GPM6A: variants seen among roughly 807,000 people sequenced by gnomAD.
GPM6A encodes the protein neuronal membrane glycoprotein M6-a.
In GPM6A, 7 loss-of-function variants were observed where a neutral mutation model predicts 32.1. That is an observed-to-expected ratio of 0.22 (90% CI 0.12 to 0.41). The LOEUF is 0.41. GPM6A is among the 10% of genes least tolerant of loss of function. The pLI is 1.00. For synonymous variants in GPM6A, 130 were observed against 123.4 expected (o/e 1.05, Z -0.35); for missense variants, 235 against 347.2 (o/e 0.68, Z 2.57).
chr4:175,676,062 T>G (rs1451709191), intron 2 of GPM6A, among the ~76,000 whole-genome samples: 1 of 152,128 alleles, frequency 6.6e-6, no homozygotes, highest in Non-Finnish European at 1.5e-5. Flanking sequence ...TCGTGAGATC[T>G]GATGGTTTTC....
At chr4:175,650,273 TATTTATTTATTTATTTATTTA>T in intron 4 of GPM6A, among the ~76,000 whole-genome samples, 1 of 4,932 alleles carries the variant, frequency 2.0e-4, no homozygotes, top group African/African-American at 2.2e-4. Flanking sequence ...TTCATTATTT[TATTTATTTATTTATTTATTTA>T]TTTATTTATT....
At chr4:175,970,989 G>C in intron 1 of GPM6A, 1 of 422,910 alleles carries the variant, frequency 2.4e-6, no homozygotes, top group South Asian at 1.7e-5. Flanking sequence ...AGCGCTCCTG[G>C]GGAATTCAGT....
chr4:175,824,979 G>A (rs1735388482), intron 1 of GPM6A, among the ~76,000 whole-genome samples: 1 of 152,154 alleles, frequency 6.6e-6, no homozygotes, highest in South Asian at 2.1e-4. Context: ...CTGCAAAAGT[G>A]ATGTAAATAT....
At chr4:175,704,132 T>C (rs1322449770) in intron 1 of GPM6A, among the ~76,000 whole-genome samples, 1 of 152,194 alleles carries the variant, frequency 6.6e-6, no homozygotes, top group East Asian at 1.9e-4. Context: ...TATTGAGAGA[T>C]TGAGCTAGTC....
chr4:175,913,041 C>T (rs1738371880), intron 1 of GPM6A, among the ~76,000 whole-genome samples: 1 of 152,196 alleles, frequency 6.6e-6, no homozygotes, highest in Non-Finnish European at 1.5e-5. Context: ...AAACAAACTC[C>T]TAGCATTTTC....
intron 1 of GPM6A, among the ~76,000 whole-genome samples, chr4:175,796,610 T>C (rs968245241): frequency 2.6e-5 from 4 of 152,200 alleles, no homozygotes; most frequent in African/African-American, 9.7e-5. Context: ...ATTATAAGTA[T>C]GTAAAAGCTA....
At chr4:175,987,080 A>G (rs1188709438) in intron 1 of GPM6A, among the ~76,000 whole-genome samples, 2 of 152,204 alleles carry the variant, frequency 1.3e-5, no homozygotes, top group Non-Finnish European at 2.9e-5. Context: ...TACACCATAT[A>G]AAGTTCCACC....
At chr4:175,749,460 G>A (rs1055217525) in intron 1 of GPM6A, among the ~76,000 whole-genome samples, 1 of 152,046 alleles carries the variant, frequency 6.6e-6, no homozygotes, top group Non-Finnish European at 1.5e-5. Context: ...GTCTGCAAAG[G>A]CTATTAAGTT....
chr4:175,920,337 C>T (rs1560994277), intron 1 of GPM6A, among the ~76,000 whole-genome samples: 1 of 152,126 alleles, frequency 6.6e-6, no homozygotes, highest in Non-Finnish European at 1.5e-5. Flanking sequence ...ATTCTCTTAC[C>T]AGTATAAAAG....
chr4:175,717,190 C>T (rs2111106354), intron 1 of GPM6A, among the ~76,000 whole-genome samples: 1 of 152,280 alleles, frequency 6.6e-6, no homozygotes, highest in Non-Finnish European at 1.5e-5. Flanking sequence ...GCAAACCAGC[C>T]TTTACGCTCT....
intron 1 of GPM6A, among the ~76,000 whole-genome samples, chr4:175,883,682 C>T (rs374105836): frequency 6.6e-6 from 1 of 152,068 alleles, no homozygotes; most frequent in African/African-American, 2.4e-5. Context: ...CAACTCTGTT[C>T]ATCTTTTTTT....
chr4:175,637,676 T>C (rs1173123397), intron 6 of GPM6A, among the ~76,000 whole-genome samples: 3 of 1,394 alleles, frequency 2.2e-3, no homozygotes, highest in African/African-American at 6.2e-3. Flanking sequence ...ATATATATAA[T>C]ATATATATAA....
intron 1 of GPM6A, among the ~76,000 whole-genome samples, chr4:175,952,181 T>G (rs1163201338): frequency 3.3e-5 from 5 of 152,326 alleles, no homozygotes; most frequent in Non-Finnish European, 7.3e-5. Flanking sequence ...GACAAGTAAC[T>G]AAACTTTCCT....
intron 1 of GPM6A, among the ~76,000 whole-genome samples, chr4:175,924,813 C>T (rs1738779479): frequency 7.0e-6 from 1 of 142,738 alleles, no homozygotes; most frequent in African/African-American, 2.7e-5. Flanking sequence ...GCACTCCAGC[C>T]TAGGCAACAG....
intron 4 of GPM6A, among the ~76,000 whole-genome samples, chr4:175,646,683 T>C (rs1390684977): frequency 5.3e-5 from 8 of 152,168 alleles, no homozygotes; most frequent in African/African-American, 1.4e-4. Flanking sequence ...TGAACAAACA[T>C]AGAAATTAAC....
At chr4:175,938,166 G>A (rs2126333468) in intron 1 of GPM6A, among the ~76,000 whole-genome samples, 1 of 152,274 alleles carries the variant, frequency 6.6e-6, no homozygotes, top group South Asian at 2.1e-4. Flanking sequence ...ATGTTTGATA[G>A]CAGAATAGGG....
intron 1 of GPM6A, among the ~76,000 whole-genome samples, chr4:175,985,246 A>G (rs1040850862): frequency 6.6e-6 from 1 of 152,192 alleles, no homozygotes; most frequent in Admixed American, 6.5e-5. Flanking sequence ...ATATCTGCTA[A>G]CCAGATCTAT....
chr4:175,996,264 A>C (rs11939409), intron 1 of GPM6A, among the ~76,000 whole-genome samples: 23,444 of 152,144 alleles, frequency 0.15, 1,988 homozygotes, highest in East Asian at 0.24. Flanking sequence ...AAGGAGATTT[A>C]CATGAAGAGT....
chr4:175,851,358 G>A (rs1413763520), intron 1 of GPM6A, among the ~76,000 whole-genome samples: 1 of 151,904 alleles, frequency 6.6e-6, no homozygotes, highest in Non-Finnish European at 1.5e-5. Context: ...GGTGGTGGAC[G>A]CCAGTAATCC....
Sources: allele counts gnomAD v4.1 joint callset (sites outside exome capture counted in the v4.1 genomes callset), GRCh38; gene constraint gnomAD v4.1.1; transcripts MANE v1.5; gene names NCBI Gene and HGNC (gene_info 2026-07-23, HGNC 2026-07-21).